RUFY2: variants seen among roughly 807,000 people sequenced by gnomAD.
RUFY2 encodes RUN and FYVE domain containing 2, also known as RUN and FYVE domain-containing protein 2.
In RUFY2, 49 loss-of-function variants were observed where a neutral mutation model predicts 94.4. The observed-to-expected ratio is 0.52, with a 90% CI of 0.41 to 0.66. The LOEUF (loss-of-function observed/expected upper bound fraction) is 0.66. Ranked by LOEUF, RUFY2 falls within the 30% of genes least tolerant of loss-of-function variation. The pLI is 0.00. For missense variants in RUFY2, 541 were observed against 692.8 expected, an observed-to-expected ratio of 0.78 and a Z score of 2.46; for synonymous variants, 255 against 235.7, an observed-to-expected ratio of 1.08 and a Z score of -0.75.
At chr10:68,357,483 C>T (rs1031051065) in intron 15 of RUFY2, among the ~76,000 whole-genome samples, 1 of 151,942 alleles carries the variant, frequency 6.6e-6, no homozygotes, top group Admixed American at 6.6e-5. Context: ...CCCGCCGCCT[C>T]GGCCTCCCAA....
intron 15 of RUFY2, among the ~76,000 whole-genome samples, chr10:68,358,189 C>CA (rs1389893647): frequency 6.6e-6 from 1 of 151,782 alleles, no homozygotes; most frequent in Non-Finnish European, 1.5e-5. Flanking sequence ...CTCTTATCTC[C>CA]AAAAAACAAA....
In RUFY2 at chr10:68,394,072, T is replaced by C; in HGVS notation, c.584+3A>G. 1 of 1,503,032 alleles carries C rather than the reference T, an allele frequency of 6.7e-7. No individual in the cohort carries two copies. Among genetic ancestry groups the C allele is most frequent in the South Asian group, 1.3e-5 (1 of 79,160 alleles). 93.1% of individuals were successfully genotyped at this position (1,503,032 alleles called of 1,614,324 possible). A position where few individuals can be genotyped will look rare whatever the true frequency, so the allele number is the denominator to read the frequency against. The stretch of plus-strand genomic sequence containing the variant: ...TATGTGAAATAACTTATGAAAATCA[T>C]ACCTTTCTTTATTTCCAATATCTTC... On this transcript the variant is annotated splice_donor_region_variant and intron_variant, in intron 6 of 17. Coordinates refer to ENST00000602465, the MANE Select transcript of RUFY2 (RefSeq NM_001330103.2).
intron 2 of RUFY2, among the ~76,000 whole-genome samples, chr10:68,402,765 A>G (rs2050947738): frequency 6.6e-6 from 1 of 151,070 alleles, no homozygotes; most frequent in South Asian, 2.1e-4. Flanking sequence ...TGCCATATAC[A>G]TACCATAAAA....
chr10:68,342,256 A>C (rs946661785), downstream of RUFY2: 8 of 488,230 alleles, frequency 1.6e-5, no homozygotes, highest in African/African-American at 1.2e-4. Flanking sequence ...CTTAAAAATA[A>C]ATTTTTATAT....
At chr10:68,377,958 C>G (rs2132709453) in intron 12 of RUFY2, 1 of 985,288 alleles carries the variant, frequency 1.0e-6, no homozygotes. Flanking sequence ...ATCTCCAAAT[C>G]CAAGTTTAAA....
Position 68,364,026 on chromosome 10 carries a change from A to C in RUFY2, c.1413T>G (p.Ser471=). 1 of 1,608,880 alleles carries C rather than the reference A, an allele frequency of 6.2e-7. No individual in the cohort carries two copies. The highest frequency in any genetic ancestry group is 8.5e-7 in the Non-Finnish European group (1 of 1,175,618). ...TTTGTTGAGTCTCATTTCTAAGATG[A>C]GATAAGGCATCTTTCTCCTTTTGAA... The part of the protein sequence containing the change: ...EDLQKEKDAL[S]HLRNETQQII... The change falls in exon 14 of 18, where the codon TCT becomes TCG. Residue 471 remains serine, a synonymous_variant. Transcript: ENST00000602465.
At chr10:68,377,522 G>A in intron 12 of RUFY2, 1 of 988,168 alleles carries the variant, frequency 1.0e-6, no homozygotes, top group Non-Finnish European at 1.2e-6. Context: ...CTGTGTGTGT[G>A]TGTGTGTGCA....
At chr10:68,400,488 A>T (rs575862362) in intron 3 of RUFY2, among the ~76,000 whole-genome samples, 6 of 150,984 alleles carry the variant, frequency 4.0e-5, no homozygotes, top group South Asian at 2.1e-4. Flanking sequence ...CATCCTGGCT[A>T]ACATGGTGAA....
At chr10:68,366,753 T>TACAC (rs2047854874) in intron 13 of RUFY2, among the ~76,000 whole-genome samples, 2 of 138,500 alleles carry the variant, frequency 1.4e-5, no homozygotes, top group Non-Finnish European at 3.0e-5. Flanking sequence ...TATATATATA[T>TACAC]ATATATAATA....
chr10:68,404,616 G>C (rs2051127495), intron 2 of RUFY2, 55 bp downstream of exon 2: 1 of 1,315,654 alleles, frequency 7.6e-7, no homozygotes, highest in Non-Finnish European at 1.0e-6. Flanking sequence ...ATTCTCAAGG[G>C]CACTTGAAAA....
chr10:68,389,873 G>C (rs751982574), intron 7 of RUFY2, among the ~76,000 whole-genome samples: 1 of 152,092 alleles, frequency 6.6e-6, no homozygotes, highest in Non-Finnish European at 1.5e-5. Flanking sequence ...GGAGAGGGAA[G>C]AGATATGAGA....
chr10:68,356,888 G>A (rs889798027), intron 15 of RUFY2, among the ~76,000 whole-genome samples: 6 of 151,788 alleles, frequency 4.0e-5, no homozygotes, highest in South Asian at 2.1e-4. Context: ...GGCCAGATGC[G>A]GTCTCTCATG....
chr10:68,379,486 T>C lies in RUFY2; in HGVS notation c.1143A>G (p.Ile381Met). ...TGGTTTTTTCTTCTAGTCGGGCAATTATTTCATTTTTTTCTTTCAAGCCAT... is the reference window on the plus strand; with the variant it reads ...TGGTTTTTTCTTCTAGTCGGGCAATCATTTCATTTTTTTCTTTCAAGCCAT... ...SEDGLKEKNE[I>M]IARLEEKTNK... Residue 381 changes from isoleucine to methionine, a missense_variant, in exon 12 of 18, where the codon ATA (isoleucine) becomes ATG (methionine). Physicochemically the swap from Ile to Met is conservative, Grantham distance 10 (BLOSUM62 1). Around this residue, in one of 3 missense-constraint regions of RUFY2, gnomAD observed 403 missense variants for 480.7 expected, o/e 0.84. Transcript: ENST00000602465. 1 of 1,613,164 alleles carries C rather than the reference T, an allele frequency of 6.2e-7. No individual in the cohort carries two copies. Among genetic ancestry groups the C allele is most frequent in the South Asian group, 1.1e-5 (1 of 90,838 alleles).
Position 68,345,851 on chromosome 10 carries a change from A to G in RUFY2, c.1738T>C (p.Leu580=), listed in dbSNP as rs781112472. ...CNACSDNELP[L]PSSPKPVRVC... ...CGTACTGGTTTTGGTGAAGAAGGCA[A>G]AGGTAGTTCGTTGTCAGAGCAGGCA... The change falls in exon 18 of 18, where the codon TTG becomes CTG. Residue 580 remains leucine, a synonymous_variant. Transcript: ENST00000602465. The G allele has an allele frequency of 3.1e-6, 5 of 1,614,154 alleles. No individual in the cohort carries two copies. The highest frequency in any genetic ancestry group is 3.3e-5 in the Admixed American group (2 of 60,026).
intron 2 of RUFY2, 37 bp from the exon 3 acceptor site, chr10:68,401,774 A>G: frequency 8.4e-7 from 1 of 1,191,944 alleles, no homozygotes; most frequent in Non-Finnish European, 1.3e-6. Flanking sequence ...CAATGTCAAC[A>G]TAAAAAACTG....
intron 7 of RUFY2, among the ~76,000 whole-genome samples, chr10:68,387,187 T>C (rs2049568094): frequency 6.6e-6 from 1 of 152,122 alleles, no homozygotes; most frequent in African/African-American, 2.4e-5. Flanking sequence ...TGAAACCTGG[T>C]CTCTACTAAA....
chr10:68,366,687 A>G (rs2132526151), intron 13 of RUFY2, among the ~76,000 whole-genome samples: 1 of 147,436 alleles, frequency 6.8e-6, no homozygotes, highest in South Asian at 2.1e-4. Context: ...GGTTGCAGTG[A>G]GCTAAAATCG....
intron 12 of RUFY2, chr10:68,377,905 G>C: frequency 1.0e-6 from 1 of 985,270 alleles, no homozygotes; most frequent in African/African-American, 1.7e-5. Context: ...TATTTCAGGG[G>C]TATAAATGCT....
chr10:68,379,405 A>G lies in RUFY2; in HGVS notation c.1205+19T>C. On this transcript the variant is annotated intron_variant, in intron 12 of 17. Transcript: ENST00000602465. ...GAAGAAGAAAAGAAAAAAAGAAACTAAGACTGGAAATGCTGTACCTTTGTT... is the reference window on the plus strand; with the variant it reads ...GAAGAAGAAAAGAAAAAAAGAAACTGAGACTGGAAATGCTGTACCTTTGTT... 6.4e-7 allele frequency: 1 copy of G among 1,553,232 alleles called. No homozygotes were observed. Among genetic ancestry groups the G allele is most frequent in the Non-Finnish European group, 8.7e-7 (1 of 1,146,666 alleles).
Sources: gnomAD v4.1 joint callset for allele counts (sites outside exome capture counted in the v4.1 genomes callset) on GRCh38, gnomAD v4.1.1 for gene constraint, gnomAD v4.1.1 regional missense constraint, MANE v1.5 for transcripts, NCBI Gene and HGNC (gene_info 2026-07-23, HGNC 2026-07-21) for gene names.